ADAMTS7: variants seen among roughly 807,000 people sequenced by gnomAD.
The protein encoded by ADAMTS7 is ADAM metallopeptidase with thrombospondin type 1 motif 7.
In ADAMTS7, 89 loss-of-function variants were observed where a neutral mutation model predicts 172.6. The ratio of observed to expected loss-of-function variants is 0.52; its 90% confidence interval spans 0.43 to 0.61. The LOEUF (loss-of-function observed/expected upper bound fraction) is 0.61, where lower values mean the gene tolerates loss of function less well. Ranked by LOEUF, ADAMTS7 falls within the 20% of genes least tolerant of loss-of-function variation. The pLI, the probability that ADAMTS7 is intolerant of heterozygous loss-of-function variation, is 0.00. For missense variants in ADAMTS7, 1,973 were observed against 2,355.6 expected, an observed-to-expected ratio of 0.84 and a Z score of 3.36; for synonymous variants, 885 against 978.4, an observed-to-expected ratio of 0.90 and a Z score of 1.78.
chr15:78,792,946 C>T (rs767291310), intron 4 of ADAMTS7, among the ~76,000 whole-genome samples: 3 of 152,108 alleles, frequency 2.0e-5, no homozygotes, highest in Non-Finnish European at 4.4e-5. Flanking sequence ...GAGTCTAGCA[C>T]GGGGAGAATG....
At chr15:78,801,730 T>A (rs989572486) in intron 1 of ADAMTS7, among the ~76,000 whole-genome samples, 1 of 152,034 alleles carries the variant, frequency 6.6e-6, no homozygotes, top group Non-Finnish European at 1.5e-5. Flanking sequence ...CAGACAGGAG[T>A]GCAGGTGGGC....
intron 4 of ADAMTS7, among the ~76,000 whole-genome samples, chr15:78,793,786 C>T (rs911120192): frequency 1.5e-4 from 23 of 152,190 alleles, no homozygotes; most frequent in Admixed American, 1.5e-3. Context: ...ATCCTTCTGG[C>T]CCACCCCGGC....
chr15:78,784,812 C>T (rs2055479561), intron 8 of ADAMTS7, among the ~76,000 whole-genome samples: 1 of 152,098 alleles, frequency 6.6e-6, no homozygotes, highest in Non-Finnish European at 1.5e-5. Flanking sequence ...CTTCGACATT[C>T]TGAAGAAGAG....
intron 1 of ADAMTS7, 164 bp downstream of exon 1, chr15:78,810,952 GCCCGA>G: frequency 1.4e-6 from 1 of 737,194 alleles, no homozygotes; most frequent in Non-Finnish European, 1.9e-6. Context: ...TCCCGGCCCG[GCCCGA>G]CCCCGACTAC....
At chr15:78,768,298 G>A (rs1274516110) in intron 16 of ADAMTS7, 39 bp from the exon 17 acceptor site, 7 of 1,608,764 alleles carry the variant, frequency 4.4e-6, no homozygotes, top group African/African-American at 1.3e-5. Flanking sequence ...TGGCACCCAG[G>A]TGCCCACCAC....
At position 78,773,186 on chromosome 15, in the gene ADAMTS7, G is replaced by A. The variant is rs374843292; in HGVS notation, c.2028C>T (p.Phe676=). Residue 676 remains phenylalanine, a synonymous_variant, in exon 14 of 24, where the codon TTC becomes TTT. Transcript: ENST00000388820. Reference sequence around the variant, plus strand: ...CCTCCATAGCACCGGAGTCAATCTCGAAGTCACAGCCCACGTTCTGCAACA... The same window carrying A: ...CCTCCATAGCACCGGAGTCAATCTCAAAGTCACAGCCCACGTTCTGCAACA... ...NGICKNVGCD[F]EIDSGAMEDR... is the part of the protein sequence containing the mutation. 4.0e-5 allele frequency: 59 copies of A among 1,492,264 alleles called. No individual in the cohort carries two copies. In the African/African-American group the frequency reaches 4.7e-4, roughly 12 times the overall value. 92.4% of individuals were successfully genotyped at this position (1,492,264 alleles called of 1,614,324 possible).
intron 8 of ADAMTS7, among the ~76,000 whole-genome samples, chr15:78,782,992 C>T (rs1270174806): frequency 2.4e-5 from 3 of 127,088 alleles, no homozygotes; most frequent in South Asian, 4.8e-4. Context: ...GAAAAGGGGA[C>T]GAGCAAAATC....
intron 19 of ADAMTS7, chr15:78,764,909 A>C: frequency 3.7e-6 from 2 of 533,618 alleles, no homozygotes; most frequent in Non-Finnish European, 6.4e-6. Flanking sequence ...CCCCTCAGCA[A>C]CCAGCCGTCC....
intron 1 of ADAMTS7, among the ~76,000 whole-genome samples, chr15:78,807,104 C>T (rs1465865915): frequency 6.6e-6 from 1 of 152,204 alleles, no homozygotes; most frequent in African/African-American, 2.4e-5. Flanking sequence ...ACGTTGGTTC[C>T]CAGGGCAAGG....
In ADAMTS7 at chr15:78,771,651, G is replaced by T. The variant is rs760730710; in HGVS notation, c.2310C>A (p.Tyr770Ter). 1.9e-6 allele frequency: 3 copies of T among 1,602,248 alleles called. 1 individual carries two copies. Among genetic ancestry groups the T allele is most frequent in the South Asian group, 2.2e-5 (2 of 90,992 alleles). ...DYQVAGTTFTYARRGNWENLT... is the reference protein window; with the variant it reads ...DYQVAGTTFT ...GGTTCTCCCAGTTGCCCCTGCGTGC[G>T]TATGTGAAGGTGGTCCCTGCCACCT... The change falls in exon 15 of 24, where the codon TAC becomes TAA. Residue 770 changes from tyrosine to a stop codon, truncating the protein, a stop_gained. Coordinates refer to ENST00000388820, the MANE Select transcript of ADAMTS7 (RefSeq NM_014272.5). LOFTEE classifies it high-confidence loss of function. This position sits in a 1 kb window ranked among gnomAD's most constrained non-coding sequence, Gnocchi z 4.9.
intron 9 of ADAMTS7, 126 bp downstream of exon 9, chr15:78,777,318 A>G: frequency 3.7e-6 from 5 of 1,337,732 alleles, no homozygotes; most frequent in Non-Finnish European, 5.0e-6. Context: ...TCACAGTGTC[A>G]CTCAGGGGCG....
chr15:78,781,737 T>C (rs1031704783), intron 8 of ADAMTS7, among the ~76,000 whole-genome samples: 36 of 152,138 alleles, frequency 2.4e-4, no homozygotes, highest in African/African-American at 8.0e-4. Context: ...TCTGAAGCCA[T>C]TCTCTCATTC....
At chr15:78,774,882 T>C (rs1019988033) in intron 11 of ADAMTS7, 89 bp from the exon 12 acceptor site, 33 of 1,457,458 alleles carry the variant, frequency 2.3e-5, no homozygotes, top group African/African-American at 1.4e-4. Flanking sequence ...TCCTCCTGCA[T>C]CCACACCCCG....
intron 4 of ADAMTS7, among the ~76,000 whole-genome samples, chr15:78,793,535 CT>C (rs917403210): frequency 6.6e-6 from 1 of 152,030 alleles, no homozygotes. Context: ...GCCCGTTTTA[CT>C]TTTTTTAACC....
chr15:78,795,342 A>G (rs2055629212), intron 4 of ADAMTS7, among the ~76,000 whole-genome samples: 1 of 152,212 alleles, frequency 6.6e-6, no homozygotes, highest in Admixed American at 6.5e-5. Context: ...GAAGGCTGTG[A>G]CTTTTATTCC....
chr15:78,777,652 T>C (rs1017146042), intron 8 of ADAMTS7, 64 bp from the exon 9 acceptor site: 30 of 1,555,668 alleles, frequency 1.9e-5, no homozygotes, highest in African/African-American at 2.7e-5. Flanking sequence ...GAAGCCTTGG[T>C]GGGGCCGGGA....
chr15:78,782,745 T>C (rs575223935), intron 8 of ADAMTS7, among the ~76,000 whole-genome samples: 47 of 151,746 alleles, frequency 3.1e-4, no homozygotes, highest in East Asian at 1.6e-3. Context: ...GGCTCAGGAA[T>C]GGAGTTTCCA....
At chr15:78,787,882 G>A (rs1387602768) in intron 8 of ADAMTS7, among the ~76,000 whole-genome samples, 5 of 151,958 alleles carry the variant, frequency 3.3e-5, no homozygotes, top group Non-Finnish European at 5.9e-5. Context: ...AAGCTCTCCC[G>A]CTCCTTTACC....
intron 1 of ADAMTS7, among the ~76,000 whole-genome samples, chr15:78,805,310 GA>G (rs1228723427): frequency 2.6e-5 from 4 of 152,194 alleles, no homozygotes; most frequent in African/African-American, 9.6e-5. Context: ...CACAAATATT[GA>G]AAAACGTTTT....
Sources: allele counts gnomAD v4.1 joint callset (sites outside exome capture counted in the v4.1 genomes callset), GRCh38; gene constraint gnomAD v4.1.1; non-coding constraint Gnocchi (gnomAD v3.1); transcripts MANE v1.5; gene names NCBI Gene and HGNC (gene_info 2026-07-23, HGNC 2026-07-21).